MYOM1: variants seen among roughly 807,000 people sequenced by gnomAD.
The protein encoded by MYOM1 is myomesin-1.
MYOM1 carries 164 observed loss-of-function variants against 205.3 expected under a neutral mutation model. That is an observed-to-expected ratio of 0.80 (90% CI 0.70 to 0.91). The LOEUF is 0.91. MYOM1 is among the 40% of genes least tolerant of loss of function. MYOM1 has a pLI of 0.00. For missense variants in MYOM1, 2,011 were observed against 2,127.3 expected, an observed-to-expected ratio of 0.95 and a Z score of 1.08; for synonymous variants, 772 against 789.4, an observed-to-expected ratio of 0.98 and a Z score of 0.37.
In MYOM1 at chr18:3,077,523, G is replaced by C. The variant is rs183617743; in HGVS notation, c.4648+1656C>G. Among the ~76,000 whole-genome samples, 98 of 152,198 alleles carry C rather than the reference G, an allele frequency of 6.4e-4. No individual in the cohort carries two copies. In the East Asian group the frequency reaches 0.018, roughly 28 times the overall value. ...AAATGAAGGGTAGACCAGTTAGGCG[G>C]ACCCAGGCTGAGGTTAGTGCTTCCT... On this transcript the variant is annotated intron_variant, in intron 34 of 37. Coordinates refer to ENST00000356443, the MANE Select transcript of MYOM1 (RefSeq NM_003803.4).
chr18:3,168,445 C>T (rs112774120), intron 9 of MYOM1, among the ~76,000 whole-genome samples: 8 of 152,226 alleles, frequency 5.3e-5, no homozygotes, highest in South Asian at 2.1e-4. Flanking sequence ...CACACCACCA[C>T]GCCTGGCTAA....
chr18:3,225,858 G>C, the MYOM1 span, among the ~76,000 whole-genome samples: 2 of 152,214 alleles, frequency 1.3e-5, no homozygotes, highest in African/African-American at 4.8e-5. Flanking sequence ...AGGTCAGGCA[G>C]CCAAGGCTGA....
At chr18:3,225,543 G>C in the MYOM1 span, among the ~76,000 whole-genome samples, 14 of 152,296 alleles carry the variant, frequency 9.2e-5, no homozygotes, top group African/African-American at 3.1e-4. Flanking sequence ...CAATACAGAG[G>C]GGGAGGAGTG....
Position 3,183,536 on chromosome 18 carries a change from G to C in MYOM1, c.929+3944C>G, listed in dbSNP as rs142848636. Among the ~76,000 whole-genome samples the C allele has an allele frequency of 3.6e-3, 542 of 152,296 alleles. 2 individuals carry two copies. The highest frequency in any genetic ancestry group is 0.012 in the African/African-American group (519 of 41,570). On this transcript the variant is annotated intron_variant, in intron 5 of 37. Transcript: ENST00000356443. Reference sequence around the variant, plus strand: ...TGTCCAGCCAAACCCTCTTTGGAAAGGGCTCTGCCGGAGACAGGCCCGCCA... The same window carrying C: ...TGTCCAGCCAAACCCTCTTTGGAAACGGCTCTGCCGGAGACAGGCCCGCCA...
chr18:3,188,964 C>T lies in MYOM1; in HGVS notation c.555G>A (p.Thr185=), dbSNP rs751561323. ...EEGITTSKQS[T]ASKQTTASKQ... ...TAGATGCCGTGGTCTGCTTGGATGC[C>T]GTGGACTGTTTAGATGTTGTGATTC... Residue 185 remains threonine (T), a synonymous_variant, in exon 4 of 38, where the codon ACG becomes ACA. Transcript: ENST00000356443. 2.2e-5 allele frequency: 35 copies of T among 1,612,622 alleles called. No homozygotes were observed. The highest frequency in any genetic ancestry group is 3.3e-4 in the Middle Eastern group (2 of 6,080).
chr18:3,167,267 G>A (rs2080485379), intron 9 of MYOM1, among the ~76,000 whole-genome samples: 1 of 152,048 alleles, frequency 6.6e-6, no homozygotes, highest in Non-Finnish European at 1.5e-5. Flanking sequence ...TGTGATTTGG[G>A]GCAATCCCTT....
chr18:3,187,281 C>T (rs768454584), intron 5 of MYOM1, among the ~76,000 whole-genome samples, 199 bp downstream of exon 5: 4 of 152,178 alleles, frequency 2.6e-5, no homozygotes, highest in African/African-American at 4.8e-5. Flanking sequence ...TATCATGTAG[C>T]GTATATATGC....
chr18:3,101,659 G>T (rs1176737784), intron 23 of MYOM1, among the ~76,000 whole-genome samples: 3 of 152,054 alleles, frequency 2.0e-5, no homozygotes, highest in Admixed American at 6.6e-5. Flanking sequence ...ACCATAACTT[G>T]AACCAGCGAG....
intron 34 of MYOM1, among the ~76,000 whole-genome samples, chr18:3,077,153 T>C (rs957994550): frequency 2.6e-5 from 4 of 151,958 alleles, no homozygotes; most frequent in African/African-American, 9.7e-5. Context: ...GCTGGGACTA[T>C]AGGTGTGTGC....
At chr18:3,120,293 A>G (rs1238744582) in intron 19 of MYOM1, among the ~76,000 whole-genome samples, 2 of 152,154 alleles carry the variant, frequency 1.3e-5, no homozygotes, top group Non-Finnish European at 2.9e-5. Context: ...GAGGTTAATT[A>G]AAAGGGAAAT....
chr18:3,180,255 T>TTTTCTA (rs2080710707), intron 5 of MYOM1, among the ~76,000 whole-genome samples: 1 of 152,206 alleles, frequency 6.6e-6, no homozygotes, highest in Non-Finnish European at 1.5e-5. Context: ...AGCTAACAAC[T>TTTTCTA]TTTCTATTAT....
chr18:3,117,254 A>C (rs1354827526), intron 20 of MYOM1, among the ~76,000 whole-genome samples: 1 of 152,238 alleles, frequency 6.6e-6, no homozygotes, highest in African/African-American at 2.4e-5. Context: ...ATGAATATAG[A>C]GAGTAATAGC....
chr18:3,076,165 C>T (rs866538833), intron 34 of MYOM1, among the ~76,000 whole-genome samples: 15 of 151,948 alleles, frequency 9.9e-5, no homozygotes, highest in Non-Finnish European at 1.3e-4. Context: ...CAGGTACAAA[C>T]GATTCTCCTG....
At chr18:3,112,679 T>C (rs748166406) in intron 21 of MYOM1, among the ~76,000 whole-genome samples, 5 of 152,220 alleles carry the variant, frequency 3.3e-5, no homozygotes, top group Non-Finnish European at 5.9e-5. Context: ...GTTAATTTAG[T>C]GGCCACCAAC....
Position 3,135,945 on chromosome 18 carries a change from CT to C in MYOM1, c.2026-216del. 6.6e-6 allele frequency among the ~76,000 whole-genome samples: 1 copy of C among 152,334 alleles called. No individual in the cohort carries two copies. Among genetic ancestry groups the C allele is most frequent in the Middle Eastern group, 3.4e-3 (1 of 294 alleles). ...CTTTTGATACGGTTTGGCTGTGTCC[CT>C]GCCCAAATCTCATCTACAATTGTAG... On this transcript the variant is annotated intron_variant, in intron 14 of 37. Coordinates refer to ENST00000356443, the MANE Select transcript of MYOM1 (RefSeq NM_003803.4). This position sits in a 1 kb window ranked among gnomAD's most constrained non-coding sequence, Gnocchi z 4.1.
chr18:3,102,500 T>G lies in MYOM1; in HGVS notation c.3549A>C (p.Arg1183=), dbSNP rs746770206. 5 of 1,612,966 alleles carry G rather than the reference T, an allele frequency of 3.1e-6. No homozygotes were observed. In the East Asian group the frequency reaches 1.1e-4, roughly 36 times the overall value. The change falls in exon 23 of 38, where the codon CGA becomes CGC. Residue 1183 remains arginine, a synonymous_variant. Transcript: ENST00000356443. The part of the protein sequence containing the change: ...KDYVSTEDSP[R]LEVESKGNKT... ...TGTTGCCCTTGCTTTCGACTTCCAA[T>G]CGTGGAGAGTCCTCAGTGGATACAT...
intron 16 of MYOM1, among the ~76,000 whole-genome samples, chr18:3,131,711 G>A (rs2079878400): frequency 6.6e-6 from 1 of 151,930 alleles, no homozygotes; most frequent in Non-Finnish European, 1.5e-5. Context: ...CTCCTAAAGT[G>A]CTGGGATTAC....
the MYOM1 span, among the ~76,000 whole-genome samples, chr18:3,226,843 G>A: frequency 1.3e-5 from 2 of 152,158 alleles, no homozygotes; most frequent in Non-Finnish European, 1.5e-5. This position sits in a 1 kb window ranked among gnomAD's most constrained non-coding sequence, Gnocchi z 4.6. Flanking sequence ...CAGGACATAG[G>A]GACTCCTTAG....
At chr18:3,094,468 CTTAGA>C (rs1165163598) in intron 25 of MYOM1, among the ~76,000 whole-genome samples, 162 bp from the exon 26 acceptor site, 4 of 151,862 alleles carry the variant, frequency 2.6e-5, no homozygotes, top group East Asian at 1.9e-4. Context: ...CAGGGAAAGC[CTTAGA>C]TTAAAGACAG....
Sources: gnomAD v4.1 joint callset for allele counts (sites outside exome capture counted in the v4.1 genomes callset) on GRCh38, gnomAD v4.1.1 for gene constraint, Gnocchi (gnomAD v3.1) non-coding constraint, MANE v1.5 for transcripts, NCBI Gene and HGNC (gene_info 2026-07-23, HGNC 2026-07-21) for gene names.